Variants in ABCC4 observed in about 807,000 individuals in gnomAD.
ABCC4 encodes the protein ATP-binding cassette sub-family C member 4.
Under a neutral mutation model 168.5 loss-of-function variants are expected in ABCC4, and 102 were observed. The ratio of observed to expected loss-of-function variants is 0.61; its 90% CI spans 0.52 to 0.71. ABCC4 has a LOEUF of 0.71. Among genes scored for constraint, ABCC4 ranks in the 30% least tolerant of loss-of-function variants. ABCC4 has a pLI of 0.00. For missense variants in ABCC4, 1,402 were observed against 1,605.8 expected (o/e 0.87, Z 2.17); for synonymous variants, 617 against 590.7 (o/e 1.04, Z -0.65).
Position 95,161,240 on chromosome 13 carries a change from A to C in ABCC4, c.2404T>G (p.Phe802Val), listed in dbSNP as rs1473420836. 1 of 1,611,412 alleles carries C rather than the reference A, an allele frequency of 6.2e-7. No individual in the cohort carries two copies. The highest frequency in any genetic ancestry group is 8.5e-7 in the Non-Finnish European group (1 of 1,179,544). The change falls in exon 19 of 31, where the codon TTT becomes GTT. Residue 802 changes from phenylalanine (F) to valine (V), a missense_variant. Phe to Val is a conservative substitution (Grantham distance 50). Transcript: ENST00000645237. ...NSSQTLHNKMFESILKAPVLF... is the reference protein window; with the variant it reads ...NSSQTLHNKMVESILKAPVLF... ...ACCGGAGCTTTCAGAATTGACTCAA[A>C]CATTTTGTTGTGCAAAGTTTGTGAA...
intron 6 of ABCC4, among the ~76,000 whole-genome samples, 198 bp downstream of exon 6, chr13:95,209,236 G>A (rs2038878781): frequency 6.6e-6 from 1 of 152,244 alleles, no homozygotes; most frequent in Non-Finnish European, 1.5e-5. Flanking sequence ...AGGAGCCAGT[G>A]AATGCCTTCA....
At position 95,034,725 on chromosome 13, in the gene ABCC4, T is replaced by C. The variant is rs2032045909; in HGVS notation, c.3750A>G (p.Gly1250=). Residue 1250 remains glycine, a synonymous_variant, in exon 30 of 31, where the codon GGA becomes GGG. Transcript: ENST00000645237. The stretch of plus-strand genomic sequence containing the variant: ...ACGGCTCATCATATTCTTTCAGTCT[T>C]CCTGAATCTAAAACCTGTTAATCAG... ...DSDKIMVLDS[G]RLKEYDEPYV... 6.2e-7 allele frequency: 1 copy of C among 1,614,142 alleles called. No homozygotes were observed. Among genetic ancestry groups the C allele is most frequent in the Non-Finnish European group, 8.5e-7 (1 of 1,180,016 alleles).
chr13:95,268,576 A>AGTAG (rs1402469046), intron 1 of ABCC4, among the ~76,000 whole-genome samples: 2 of 152,160 alleles, frequency 1.3e-5, no homozygotes, highest in Non-Finnish European at 2.9e-5. Flanking sequence ...TGTATATTCC[A>AGTAG]TCTACTGAGA....
intron 29 of ABCC4, among the ~76,000 whole-genome samples, chr13:95,039,916 C>G (rs1432130336): frequency 6.6e-6 from 1 of 152,132 alleles, no homozygotes; most frequent in Non-Finnish European, 1.5e-5. Context: ...TACAGAGAAA[C>G]CCCACTTAGC....
At position 95,209,770 on chromosome 13, in the gene ABCC4, T is replaced by G. The variant is rs111746396; in HGVS notation, c.622-173A>C. On this transcript the variant is annotated intron_variant, in intron 5 of 30. Coordinates refer to ENST00000645237, the MANE Select transcript of ABCC4 (RefSeq NM_005845.5). ...CAAGCACCCACCACAGGTGAAGCCA[T>G]TCTGGGGAAACAAAGAGTGGGTCTG... 2.0e-3 allele frequency among the ~76,000 whole-genome samples: 301 copies of G among 152,372 alleles called. 2 individuals carry two copies. The highest frequency in any genetic ancestry group is 6.9e-3 in the African/African-American group (285 of 41,588).
chr13:95,270,607 CA>C (rs1220649406), intron 1 of ABCC4, among the ~76,000 whole-genome samples: 2 of 152,170 alleles, frequency 1.3e-5, no homozygotes, highest in East Asian at 1.9e-4. Flanking sequence ...AAGCACACAA[CA>C]GGGGGCTGGC....
chr13:95,059,612 G>C (rs2033210554), intron 26 of ABCC4, among the ~76,000 whole-genome samples: 1 of 150,874 alleles, frequency 6.6e-6, no homozygotes, highest in Admixed American at 6.6e-5. Context: ...AAAAACATTA[G>C]ATTTCTCTCT....
At position 95,056,294 on chromosome 13, in the gene ABCC4, C is replaced by T. The variant is rs545063379; in HGVS notation, c.3367-3110G>A. On this transcript the variant is annotated intron_variant, in intron 26 of 30. Transcript: ENST00000645237. Reference sequence around the variant, plus strand: ...ATTTCAAATCCTGAAGACCTTGATTCAGGGCAGCTCATCTCCCTGTGTCAA... The same window carrying T: ...ATTTCAAATCCTGAAGACCTTGATTTAGGGCAGCTCATCTCCCTGTGTCAA... 2.0e-4 allele frequency among the ~76,000 whole-genome samples: 30 copies of T among 152,330 alleles called. 3 individuals are homozygous for T. The South Asian group carries it at 6.0e-3, about 31-fold the overall frequency.
At chr13:95,034,485 T>C in intron 30 of ABCC4, 120 bp downstream of exon 30, 1 of 1,373,656 alleles carries the variant, frequency 7.3e-7, no homozygotes, top group African/African-American at 1.5e-5. Context: ...TGAAGCTTTG[T>C]CTCTGCAGGC....
chr13:95,081,051 C>T (rs906640575), intron 21 of ABCC4, among the ~76,000 whole-genome samples: 2 of 147,180 alleles, frequency 1.4e-5, no homozygotes, highest in Non-Finnish European at 3.1e-5. Context: ...AACCAGCCCC[C>T]GTGGTTGGTG....
intron 27 of ABCC4, among the ~76,000 whole-genome samples, chr13:95,051,615 T>A (rs2032839006): frequency 6.6e-6 from 1 of 152,090 alleles, no homozygotes; most frequent in Non-Finnish European, 1.5e-5. Flanking sequence ...AATGAAGAGA[T>A]CAAACATATT....
At chr13:95,287,266 T>C (rs566736197) in intron 1 of ABCC4, among the ~76,000 whole-genome samples, 55 of 151,500 alleles carry the variant, frequency 3.6e-4, no homozygotes, top group Middle Eastern at 3.4e-3. Context: ...CACTCCAGCC[T>C]GGGCAACAGA....
intron 16 of ABCC4, among the ~76,000 whole-genome samples, 180 bp from the exon 17 acceptor site, chr13:95,163,827 A>G (rs1176134687): frequency 6.6e-6 from 1 of 152,064 alleles, no homozygotes; most frequent in Non-Finnish European, 1.5e-5. Flanking sequence ...TAAGGCCAGG[A>G]GTTCGAGACC....
At chr13:95,284,086 G>A (rs1312068762) in intron 1 of ABCC4, among the ~76,000 whole-genome samples, 1 of 152,128 alleles carries the variant, frequency 6.6e-6, no homozygotes, top group East Asian at 1.9e-4. Flanking sequence ...TCGTATGCCT[G>A]TAATCCCAGC....
At chr13:95,214,996 T>A (rs1164299509) in intron 4 of ABCC4, among the ~76,000 whole-genome samples, 1 of 152,030 alleles carries the variant, frequency 6.6e-6, no homozygotes, top group Non-Finnish European at 1.5e-5. Context: ...GCTGAGAGAC[T>A]TTATCAGCAA....
At chr13:95,103,516 G>A (rs1426271735) in intron 20 of ABCC4, among the ~76,000 whole-genome samples, 1 of 152,176 alleles carries the variant, frequency 6.6e-6, no homozygotes, top group Non-Finnish European at 1.5e-5. Flanking sequence ...CATTCACGGA[G>A]GTGTGCAAAC....
At chr13:95,075,588 T>C (rs746052928) in intron 21 of ABCC4, 37 bp from the exon 22 acceptor site, 13 of 1,612,316 alleles carry the variant, frequency 8.1e-6, no homozygotes, top group Non-Finnish European at 3.4e-6. Context: ...TCAGTGAGGC[T>C]GGGTGCAGAA....
intron 30 of ABCC4, among the ~76,000 whole-genome samples, chr13:95,024,401 CTT>C (rs1243441059): frequency 6.6e-6 from 1 of 152,062 alleles, no homozygotes; most frequent in Non-Finnish European, 1.5e-5. Flanking sequence ...TCCTTCTTCT[CTT>C]GAGTTTGCTC....
At position 95,209,586 on chromosome 13, in the gene ABCC4, G is replaced by C. The variant is rs2038893838; in HGVS notation, c.633C>G (p.Phe211Leu). 1 of 1,612,062 alleles carries C rather than the reference G, an allele frequency of 6.2e-7. No homozygotes were observed. The highest frequency in any genetic ancestry group is 1.3e-5 in the African/African-American group (1 of 74,954). The change falls in exon 6 of 31, where the codon TTC becomes TTG. Residue 211 changes from phenylalanine (F) to leucine (L), a missense_variant. By Grantham distance (22) the Phe-to-Leu change is conservative. Coordinates refer to ENST00000645237, the MANE Select transcript of ABCC4 (RefSeq NM_005845.5). ...GTGGTCCTGCCCACAGGAAGTGTAAGAACACTGTCACCTTTAAAGAAAAAG... is the reference window on the plus strand; with the variant it reads ...GTGGTCCTGCCCACAGGAAGTGTAACAACACTGTCACCTTTAAAGAAAAAG... Reference protein sequence around the residue: ...DVNKFDQVTVFLHFLWAGPLQ... With the variant: ...DVNKFDQVTVLLHFLWAGPLQ...
Sources: gnomAD v4.1 joint callset for allele counts (sites outside exome capture counted in the v4.1 genomes callset) on GRCh38, gnomAD v4.1.1 for gene constraint, MANE v1.5 for transcripts, NCBI Gene and HGNC (gene_info 2026-07-23, HGNC 2026-07-21) for gene names.